Variants in GALNTL6 observed in about 807,000 individuals in gnomAD.
GALNTL6 encodes the protein polypeptide N-acetylgalactosaminyltransferase-like 6.
GALNTL6 carries 46 observed loss-of-function variants against 73.7 expected under a neutral mutation model. The ratio of observed to expected loss-of-function variants is 0.62; its 90% CI spans 0.49 to 0.80. The LOEUF (loss-of-function observed/expected upper bound fraction) is 0.80, where lower values mean the gene tolerates loss of function less well. Ranked by LOEUF, GALNTL6 falls within the 30% of genes least tolerant of loss-of-function variation. The pLI is 0.00. For synonymous variants in GALNTL6, 259 were observed against 263.7 expected, an observed-to-expected ratio of 0.98 and a Z score of 0.17; for missense variants, 604 against 755.0, an observed-to-expected ratio of 0.80 and a Z score of 2.34.
At chr4:172,712,126 G>A (rs1214808253) in intron 5 of GALNTL6, among the ~76,000 whole-genome samples, 1 of 152,166 alleles carries the variant, frequency 6.6e-6, no homozygotes, top group Non-Finnish European at 1.5e-5. Context: ...TTGGGTGGAT[G>A]TGTAAATGGA....
At position 172,504,172 on chromosome 4, in the gene GALNTL6, A is replaced by AAAAAAAAAAAAAAAAAAC. The variant is rs1734362509; in HGVS notation, c.553+155490_553+155491insAAAAAAAAAACAAAAAAA. 4.7e-5 allele frequency among the ~76,000 whole-genome samples: 2 copies of AAAAAAAAAAAAAAAAAAC among 42,320 alleles called. 1 individual carries two copies. Among genetic ancestry groups the AAAAAAAAAAAAAAAAAAC allele is most frequent in the African/African-American group, 1.2e-4 (2 of 16,086 alleles). The allele number at this position is 42,320 out of a possible 152,430, so 27.8% of individuals were successfully genotyped here. Reference sequence around the variant, plus strand: ...GAGACTCTGTCTCAAAAAAAAAAAAAAAAAAAACTCACACCTTGTTGATAT... The same window carrying AAAAAAAAAAAAAAAAAAC: ...GAGACTCTGTCTCAAAAAAAAAAAAAAAAAAAAAAAAAAAAAACAAAAAAACTCACACCTTGTTGATAT... On this transcript the variant is annotated intron_variant, in intron 5 of 12. Coordinates refer to ENST00000506823, the MANE Select transcript of GALNTL6 (RefSeq NM_001034845.3).
chr4:171,965,086 C>A (rs1739347881), intron 2 of GALNTL6, among the ~76,000 whole-genome samples: 1 of 152,180 alleles, frequency 6.6e-6, no homozygotes, highest in Admixed American at 6.5e-5. Flanking sequence ...TAACAGTTAC[C>A]ATTCTGCCTT....
intron 5 of GALNTL6, among the ~76,000 whole-genome samples, chr4:172,778,566 G>A (rs1739199301): frequency 6.6e-6 from 1 of 152,204 alleles, no homozygotes; most frequent in South Asian, 2.1e-4. Context: ...AAAGAACTGT[G>A]TTTTGTAGGC....
intron 5 of GALNTL6, among the ~76,000 whole-genome samples, chr4:172,657,208 G>A (rs991101110): frequency 1.3e-5 from 2 of 152,106 alleles, no homozygotes; most frequent in East Asian, 1.9e-4. Context: ...CTTGAAATAC[G>A]CACACAAAAC....
intron 2 of GALNTL6, among the ~76,000 whole-genome samples, chr4:172,107,531 A>G (rs537918078): frequency 1.7e-4 from 26 of 152,050 alleles, no homozygotes; most frequent in African/African-American, 6.3e-4. Context: ...TTGTAGGGAC[A>G]TGGATGAAGC....
chr4:171,836,368 A>G (rs1199916537), intron 2 of GALNTL6, among the ~76,000 whole-genome samples: 2 of 152,222 alleles, frequency 1.3e-5, no homozygotes, highest in Middle Eastern at 3.4e-3. Flanking sequence ...ACCGTTAAAC[A>G]GTTGCTCAAG....
chr4:172,787,274 T>G (rs1001656906), intron 5 of GALNTL6, among the ~76,000 whole-genome samples: 2 of 152,214 alleles, frequency 1.3e-5, no homozygotes, highest in Non-Finnish European at 2.9e-5. Flanking sequence ...CTCATGGTAC[T>G]GCAATTAATG....
At chr4:171,960,124 G>C (rs776502746) in intron 2 of GALNTL6, among the ~76,000 whole-genome samples, 1 of 152,166 alleles carries the variant, frequency 6.6e-6, no homozygotes, top group African/African-American at 2.4e-5. Context: ...TTCTTCAGCT[G>C]TCATAGCTTT....
intron 7 of GALNTL6, among the ~76,000 whole-genome samples, chr4:172,816,329 G>T (rs1459960153): frequency 6.6e-6 from 1 of 152,164 alleles, no homozygotes; most frequent in Non-Finnish European, 1.5e-5. Flanking sequence ...AATTTATTCT[G>T]CCATTACTTG....
rs562081077 is a variant in GALNTL6 at position 171,859,250 on chromosome 4, A to T, written c.138+44532A>T. ...CTAATGCTCTGGGCCATATTCGATT[A>T]TACAGTGGTTATCCAGGCAGTTCAT... On this transcript the variant is annotated intron_variant, in intron 2 of 12. Transcript: ENST00000506823. Among the ~76,000 whole-genome samples, 6 of 152,352 alleles carry T rather than the reference A, an allele frequency of 3.9e-5. No homozygotes were observed. In the East Asian group the frequency reaches 1.2e-3, roughly 29 times the overall value.
In GALNTL6 at chr4:172,814,574, C is replaced by T. The variant is rs568391138; in HGVS notation, c.923+851C>T. Among the ~76,000 whole-genome samples, 28 of 151,986 alleles carry T rather than the reference C, an allele frequency of 1.8e-4. No homozygotes were observed. The South Asian group carries it at 4.8e-3, about 26-fold the overall frequency. On this transcript the variant is annotated intron_variant, in intron 7 of 12. Transcript: ENST00000506823. ...ACTATTATATATGTTTTTCTTAGTA[C>T]AAGAAAAATGTCTGTGATCAAGGCT...
At chr4:171,935,691 T>A (rs892554044) in intron 2 of GALNTL6, among the ~76,000 whole-genome samples, 1 of 152,168 alleles carries the variant, frequency 6.6e-6, no homozygotes, top group African/African-American at 2.4e-5. Flanking sequence ...GGCTTCTATA[T>A]TTTTGATAAC....
chr4:173,012,299 G>T (rs1752590264), intron 11 of GALNTL6, among the ~76,000 whole-genome samples: 1 of 152,126 alleles, frequency 6.6e-6, no homozygotes, highest in Admixed American at 6.5e-5. Context: ...GGATGTTAAA[G>T]AGTTGTCCAG....
chr4:172,708,307 C>T (rs145684018), intron 5 of GALNTL6, among the ~76,000 whole-genome samples: 1,529 of 152,306 alleles, frequency 0.01, 22 homozygotes, highest in Admixed American at 0.035. Flanking sequence ...ATCCGCCCAA[C>T]TTAGCCTATC....
intron 2 of GALNTL6, among the ~76,000 whole-genome samples, chr4:171,943,923 G>A (rs1180258640): frequency 7.2e-5 from 1 of 13,872 alleles, no homozygotes; most frequent in African/African-American, 1.2e-4. Flanking sequence ...ATTTTCTTAA[G>A]TTAAGTGAAT....
At chr4:172,295,423 G>GAAA (rs11406771) in intron 3 of GALNTL6, among the ~76,000 whole-genome samples, 3 of 144,668 alleles carry the variant, frequency 2.1e-5, no homozygotes, top group Admixed American at 1.4e-4. Context: ...CTCCATTTAA[G>GAAA]AAAAAAAAAA....
chr4:171,842,638 G>C (rs756146945), intron 2 of GALNTL6, among the ~76,000 whole-genome samples: 9 of 152,074 alleles, frequency 5.9e-5, no homozygotes, highest in Non-Finnish European at 1.3e-4. Flanking sequence ...GGAGGCAAGA[G>C]AGAGAGAAGG....
chr4:172,394,854 G>A (rs989961621), intron 5 of GALNTL6, among the ~76,000 whole-genome samples: 2 of 152,112 alleles, frequency 1.3e-5, no homozygotes, highest in African/African-American at 2.4e-5. Flanking sequence ...AATAATTTTA[G>A]CATGATGTAT....
At chr4:172,683,299 G>A (rs1306922861) in intron 5 of GALNTL6, among the ~76,000 whole-genome samples, 1 of 152,158 alleles carries the variant, frequency 6.6e-6, no homozygotes, top group Non-Finnish European at 1.5e-5. Flanking sequence ...GCCTCAGATG[G>A]CCAAAGCTGG....
Sources: allele counts gnomAD v4.1 joint callset (sites outside exome capture counted in the v4.1 genomes callset), GRCh38; gene constraint gnomAD v4.1.1; transcripts MANE v1.5; gene names NCBI Gene and HGNC (gene_info 2026-07-23, HGNC 2026-07-21).